BRINP1: variants seen among roughly 807,000 people sequenced by gnomAD.
BRINP1 encodes the protein BMP/retinoic acid inducible neural specific 1.
Under a neutral mutation model 72.9 loss-of-function variants are expected in BRINP1, and 17 were observed. The observed-to-expected ratio is 0.23, with a 90% CI of 0.16 to 0.35. The LOEUF is 0.35. Ranked by LOEUF, BRINP1 falls within the 10% of genes least tolerant of loss-of-function variation. The pLI is 1.00. For synonymous variants in BRINP1, 418 were observed against 378.5 expected, an observed-to-expected ratio of 1.10 and a Z score of -1.21; for missense variants, 850 against 1,001.6, an observed-to-expected ratio of 0.85 and a Z score of 2.04.
chr9:119,221,776 C>CA (rs1830043495), intron 5 of BRINP1, among the ~76,000 whole-genome samples: 1 of 152,112 alleles, frequency 6.6e-6, no homozygotes. Context: ...TGGAATTCAG[C>CA]ACAATAAAAT....
intron 1 of BRINP1, among the ~76,000 whole-genome samples, chr9:119,316,238 C>A (rs966026111): frequency 6.6e-6 from 1 of 152,132 alleles, no homozygotes; most frequent in Non-Finnish European, 1.5e-5. Flanking sequence ...AGGTGCACGC[C>A]ACCATGCCCA....
At chr9:119,207,127 G>A (rs1289129428) in intron 7 of BRINP1, among the ~76,000 whole-genome samples, 4 of 152,204 alleles carry the variant, frequency 2.6e-5, no homozygotes, top group African/African-American at 7.2e-5. Context: ...TGGGAATCTA[G>A]AATAAGAAGC....
chr9:119,364,414 C>T (rs755210866), intron 1 of BRINP1, among the ~76,000 whole-genome samples: 14 of 152,190 alleles, frequency 9.2e-5, no homozygotes, highest in Non-Finnish European at 1.8e-4. Flanking sequence ...ACAAAAAGGA[C>T]TCGTCATTCC....
chr9:119,301,530 G>A (rs1398135472), intron 2 of BRINP1, among the ~76,000 whole-genome samples: 1 of 152,224 alleles, frequency 6.6e-6, no homozygotes, highest in African/African-American at 2.4e-5. Flanking sequence ...TAGAGGATGA[G>A]AGAGAGGTTT....
At chr9:119,359,355 C>T (rs1831606027) in intron 1 of BRINP1, among the ~76,000 whole-genome samples, 1 of 152,128 alleles carries the variant, frequency 6.6e-6, no homozygotes, top group Admixed American at 6.6e-5. Flanking sequence ...GCCACCACAT[C>T]TGGCTAATTA....
At position 119,167,011 on chromosome 9, in the gene BRINP1, G is replaced by C; in HGVS notation, c.*73C>G. On this transcript the variant is annotated 3_prime_UTR_variant, in exon 8 of 8. Transcript: ENST00000265922. This position sits in a 1 kb window ranked among gnomAD's most constrained non-coding sequence, Gnocchi z 4.3. ...TTTACAAATTTTTGTGGGTTTTTTTGTTTTGTTTTGCTTCATTTTGTTCTG... is the reference window on the plus strand; with the variant it reads ...TTTACAAATTTTTGTGGGTTTTTTTCTTTTGTTTTGCTTCATTTTGTTCTG... 7.0e-7 allele frequency: 1 copy of C among 1,431,666 alleles called. No individual in the cohort carries two copies. The highest frequency in any genetic ancestry group is 2.4e-5 in the Admixed American group (1 of 41,350). 88.7% of individuals were successfully genotyped at this position (1,431,666 alleles called of 1,614,324 possible). A position where few individuals can be genotyped will look rare whatever the true frequency, so the allele number is the denominator to read the frequency against.
intron 2 of BRINP1, among the ~76,000 whole-genome samples, chr9:119,285,698 G>A (rs611199): frequency 0.31 from 47,791 of 151,958 alleles, 7,694 homozygotes; most frequent in Non-Finnish European, 0.34. Flanking sequence ...CTATTTACCC[G>A]TTTTCTTTTT....
chr9:119,300,620 C>T (rs956994952), intron 2 of BRINP1, among the ~76,000 whole-genome samples: 4 of 152,170 alleles, frequency 2.6e-5, no homozygotes, highest in Non-Finnish European at 4.4e-5. Flanking sequence ...AGCCAATGAA[C>T]ATAAATAAAA....
At chr9:119,239,621 T>G (rs1830227296) in intron 4 of BRINP1, among the ~76,000 whole-genome samples, 2 of 152,210 alleles carry the variant, frequency 1.3e-5, no homozygotes, top group African/African-American at 4.8e-5. Flanking sequence ...GGCAGCCACA[T>G]GCACCTTCTC....
chr9:119,265,329 G>C (rs1173656497), intron 2 of BRINP1, among the ~76,000 whole-genome samples: 1 of 152,128 alleles, frequency 6.6e-6, no homozygotes, highest in African/African-American at 2.4e-5. Context: ...GCCAGGCATG[G>C]TGGCTCATAC....
intron 2 of BRINP1, among the ~76,000 whole-genome samples, chr9:119,266,824 A>G (rs2118945108): frequency 6.6e-6 from 1 of 152,358 alleles, no homozygotes; most frequent in South Asian, 2.1e-4. Context: ...TGCAAATGAA[A>G]GAATTTCTTT....
intron 4 of BRINP1, among the ~76,000 whole-genome samples, chr9:119,241,707 G>A (rs921495867): frequency 2.0e-5 from 3 of 152,092 alleles, no homozygotes; most frequent in African/African-American, 7.2e-5. Flanking sequence ...CTGAGACCTC[G>A]GGAAAATCAT....
intron 1 of BRINP1, among the ~76,000 whole-genome samples, chr9:119,354,689 C>T (rs965844586): frequency 7.8e-5 from 11 of 141,002 alleles, no homozygotes; most frequent in Non-Finnish European, 1.2e-4. Flanking sequence ...GCAAGAACCC[C>T]GTCTCTAAAA....
At chr9:119,233,199 T>C (rs1156917423) in intron 5 of BRINP1, among the ~76,000 whole-genome samples, 1 of 151,880 alleles carries the variant, frequency 6.6e-6, no homozygotes, top group African/African-American at 2.4e-5. Context: ...AAGAGAGAAA[T>C]ATAGAGGAAA....
rs1353165582 is a variant in BRINP1 at position 119,229,515 on chromosome 9, AT to A, written c.685+9139del. Among the ~76,000 whole-genome samples the A allele has an allele frequency of 2.0e-5, 3 of 152,218 alleles. No individual in the cohort carries two copies. In the East Asian group the frequency reaches 5.8e-4, roughly 30 times the overall value. On this transcript the variant is annotated intron_variant, in intron 5 of 7. Coordinates refer to ENST00000265922, the MANE Select transcript of BRINP1 (RefSeq NM_014618.3). ...CCTTTTCTTGAAACCACTATTCTAC[AT>A]TGTATCTCCTTAGATAAGAAAGAGA...
chr9:119,172,023 G>A (rs1299705909), intron 7 of BRINP1, among the ~76,000 whole-genome samples: 1 of 132,884 alleles, frequency 7.5e-6, no homozygotes, highest in Non-Finnish European at 1.5e-5. Context: ...CCCCACAAGA[G>A]AAAGCAGGAA....
intron 7 of BRINP1, among the ~76,000 whole-genome samples, chr9:119,178,530 T>G (rs964885152): frequency 6.6e-6 from 1 of 152,222 alleles, no homozygotes; most frequent in Non-Finnish European, 1.5e-5. Context: ...GTTCTCTCAG[T>G]AGTTATCATG....
chr9:119,326,729 T>C lies in BRINP1; in HGVS notation c.-50-13324A>G, dbSNP rs1831245257. Reference sequence around the variant, plus strand: ...CAATTCAATAGATATTTCTTGATCCTCTATTTTAATTGGCTCTCACAGTCC... The same window carrying C: ...CAATTCAATAGATATTTCTTGATCCCCTATTTTAATTGGCTCTCACAGTCC... On this transcript the variant is annotated intron_variant, in intron 1 of 7. Coordinates refer to ENST00000265922, the MANE Select transcript of BRINP1 (RefSeq NM_014618.3). Among the ~76,000 whole-genome samples, 4 of 152,326 alleles carry C rather than the reference T, an allele frequency of 2.6e-5. No individual in the cohort carries two copies. The South Asian group carries it at 8.3e-4, about 32-fold the overall frequency.
At chr9:119,291,102 G>C (rs564545887) in intron 2 of BRINP1, among the ~76,000 whole-genome samples, 1 of 140,492 alleles carries the variant, frequency 7.1e-6, no homozygotes, top group Admixed American at 7.3e-5. Flanking sequence ...CAGCCAGGGC[G>C]ACAAGAATGA....
Sources: allele counts gnomAD v4.1 joint callset (sites outside exome capture counted in the v4.1 genomes callset), GRCh38; gene constraint gnomAD v4.1.1; non-coding constraint Gnocchi (gnomAD v3.1); transcripts MANE v1.5; gene names NCBI Gene and HGNC (gene_info 2026-07-23, HGNC 2026-07-21).